The following KCNJ3 variants were observed in gnomAD, a reference collection of about 807,000 sequenced individuals.
KCNJ3 encodes potassium inwardly rectifying channel subfamily J member 3.
Under a neutral mutation model 39.2 loss-of-function variants are expected in KCNJ3, and 4 were observed. The observed-to-expected ratio is 0.10, with a 90% CI of 0.05 to 0.23. The LOEUF is 0.23. Among genes scored for constraint, KCNJ3 ranks in the 10% least tolerant of loss-of-function variants. KCNJ3 has a pLI of 1.00. For synonymous variants in KCNJ3, 230 were observed against 237.4 expected, an observed-to-expected ratio of 0.97 and a Z score of 0.29; for missense variants, 276 against 634.9, an observed-to-expected ratio of 0.43 and a Z score of 6.08.
At chr2:154,799,986 A>G (rs1238192321) in intron 2 of KCNJ3, among the ~76,000 whole-genome samples, 1 of 152,134 alleles carries the variant, frequency 6.6e-6, no homozygotes, top group Non-Finnish European at 1.5e-5. Context: ...TGAAATTTCA[A>G]ATAGGATGGT....
intron 2 of KCNJ3, among the ~76,000 whole-genome samples, chr2:154,814,063 T>C (rs1687043134): frequency 6.6e-6 from 1 of 152,218 alleles, no homozygotes; most frequent in Non-Finnish European, 1.5e-5. Context: ...AATTCTAGTC[T>C]CATCACATTC....
intron 2 of KCNJ3, among the ~76,000 whole-genome samples, chr2:154,831,756 T>G (rs1249032231): frequency 1.3e-5 from 2 of 152,210 alleles, no homozygotes; most frequent in Non-Finnish European, 2.9e-5. Context: ...CAGGGAACAT[T>G]GCTTTGATTA....
At chr2:154,769,609 T>C (rs1455760292) in intron 2 of KCNJ3, among the ~76,000 whole-genome samples, 1 of 152,200 alleles carries the variant, frequency 6.6e-6, no homozygotes, top group East Asian at 1.9e-4. Flanking sequence ...TTGAGGTTTT[T>C]GTGTCGATGT....
chr2:154,711,722 A>G (rs756031366), intron 2 of KCNJ3, among the ~76,000 whole-genome samples: 14 of 152,096 alleles, frequency 9.2e-5, no homozygotes, highest in Non-Finnish European at 1.6e-4. Context: ...TTTGGCCCCT[A>G]CATGGCATCT....
chr2:154,830,255 G>A (rs1419261496), intron 2 of KCNJ3, among the ~76,000 whole-genome samples: 1 of 151,992 alleles, frequency 6.6e-6, no homozygotes, highest in Non-Finnish European at 1.5e-5. Flanking sequence ...AGGCAATAAG[G>A]TTATTCACTT....
At position 154,698,732 on chromosome 2, in the gene KCNJ3, T is replaced by C. The variant is rs374183933; in HGVS notation, c.-44T>C. On this transcript the variant is annotated 5_prime_UTR_variant, in exon 1 of 3. Coordinates refer to ENST00000295101, the MANE Select transcript of KCNJ3 (RefSeq NM_002239.4). ...GTGCTAGTTTGCAGCGCCCAGCTCC[T>C]GCGCCTTCGCTTCGCGTTTGAATCT... 1 of 805,160 alleles carries C rather than the reference T, an allele frequency of 1.2e-6. No homozygotes were observed. Among genetic ancestry groups the C allele is most frequent in the Non-Finnish European group, 1.9e-6 (1 of 540,240 alleles). The allele number at this position is 805,160 out of a possible 1,614,324, so 49.9% of individuals were successfully genotyped here.
At position 154,855,400 on chromosome 2, in the gene KCNJ3, A is replaced by C; in HGVS notation, c.*87A>C. On this transcript the variant is annotated 3_prime_UTR_variant, in exon 3 of 3. Transcript: ENST00000295101. ...GAGGTAATTCTCCCTAAGGAATCTG[A>C]AAGTATATTTTCCTCCCAGTTCTAC... 1 of 910,660 alleles carries C rather than the reference A, an allele frequency of 1.1e-6. No homozygotes were observed. The allele number at this position is 910,660 out of a possible 1,614,324, so 56.4% of individuals were successfully genotyped here.
chr2:154,767,476 G>A (rs1189519499), intron 2 of KCNJ3, among the ~76,000 whole-genome samples: 1 of 152,046 alleles, frequency 6.6e-6, no homozygotes, highest in Admixed American at 6.6e-5. Flanking sequence ...GAGAATGATG[G>A]TTTCCAGCTT....
chr2:154,776,668 T>C (rs1411541307), intron 2 of KCNJ3, among the ~76,000 whole-genome samples: 1 of 152,130 alleles, frequency 6.6e-6, no homozygotes, highest in Non-Finnish European at 1.5e-5. Context: ...TTTGAAAATA[T>C]TCATATGATT....
At chr2:154,852,543 A>G (rs1219094961) in intron 2 of KCNJ3, among the ~76,000 whole-genome samples, 1 of 152,208 alleles carries the variant, frequency 6.6e-6, no homozygotes, top group African/African-American at 2.4e-5. Flanking sequence ...GGGAGAAAAT[A>G]TAAGGCACTT....
intron 2 of KCNJ3, among the ~76,000 whole-genome samples, chr2:154,837,365 A>G (rs1043141509): frequency 1.3e-5 from 2 of 150,564 alleles, no homozygotes; most frequent in Non-Finnish European, 1.5e-5. Flanking sequence ...GGATGTTTCA[A>G]AGTCAATTTT....
intron 2 of KCNJ3, among the ~76,000 whole-genome samples, chr2:154,833,562 T>C (rs1376938117): frequency 2.6e-5 from 4 of 152,202 alleles, no homozygotes; most frequent in Non-Finnish European, 1.5e-5. Context: ...GCCAAGTTCA[T>C]AGTTTACATC....
At chr2:154,729,858 A>G (rs1685421648) in intron 2 of KCNJ3, among the ~76,000 whole-genome samples, 1 of 152,202 alleles carries the variant, frequency 6.6e-6, no homozygotes, top group Admixed American at 6.5e-5. Flanking sequence ...TGCAAATAGT[A>G]GAAAACCCAA....
At chr2:154,831,654 G>A (rs1289940063) in intron 2 of KCNJ3, among the ~76,000 whole-genome samples, 1 of 152,114 alleles carries the variant, frequency 6.6e-6, no homozygotes, top group Non-Finnish European at 1.5e-5. Context: ...TCTGCTCTCA[G>A]TGTTCATAAA....
At chr2:154,736,374 T>TAAAAAAAAAAAAAAAAAA (rs70983745) in intron 2 of KCNJ3, among the ~76,000 whole-genome samples, 10 of 93,224 alleles carry the variant, frequency 1.1e-4, no homozygotes, top group East Asian at 4.2e-4. Flanking sequence ...TCACTAGTTC[T>TAAAAAAAAAAAAAAAAAA]AAAAAAAAAA....
intron 2 of KCNJ3, among the ~76,000 whole-genome samples, chr2:154,745,294 T>C (rs1411631924): frequency 6.6e-6 from 1 of 152,048 alleles, no homozygotes; most frequent in Non-Finnish European, 1.5e-5. Context: ...GTAATTGTTT[T>C]ATCAATTGTG....
At chr2:154,829,925 T>C (rs1256059747) in intron 2 of KCNJ3, among the ~76,000 whole-genome samples, 2 of 152,176 alleles carry the variant, frequency 1.3e-5, no homozygotes, top group South Asian at 2.1e-4. Context: ...GTGACAGATA[T>C]ATCTTCTTTG....
intron 2 of KCNJ3, among the ~76,000 whole-genome samples, chr2:154,791,076 A>G (rs1421723179): frequency 6.6e-6 from 1 of 152,070 alleles, no homozygotes; most frequent in East Asian, 1.9e-4. Context: ...CACAGGGAAG[A>G]GTACTGGAGA....
chr2:154,740,324 A>G (rs1474234196), intron 2 of KCNJ3, among the ~76,000 whole-genome samples: 3 of 152,112 alleles, frequency 2.0e-5, no homozygotes, highest in South Asian at 2.1e-4. Flanking sequence ...TCTCTTAGGA[A>G]CTTGTTCAGT....
Sources: gnomAD v4.1 joint callset for allele counts (sites outside exome capture counted in the v4.1 genomes callset) on GRCh38, gnomAD v4.1.1 for gene constraint, MANE v1.5 for transcripts, NCBI Gene and HGNC (gene_info 2026-07-23, HGNC 2026-07-21) for gene names.